HSPA14: variants seen among roughly 807,000 people sequenced by gnomAD.
The protein encoded by HSPA14 is heat shock protein family A (Hsp70) member 14.
Under a neutral mutation model 65.5 loss-of-function variants are expected in HSPA14, and 37 were observed. The ratio of observed to expected loss-of-function variants is 0.56; its 90% CI spans 0.43 to 0.74. The LOEUF is 0.74. Among genes scored for constraint, HSPA14 ranks in the 30% least tolerant of loss-of-function variants. The pLI, the probability that HSPA14 is intolerant of heterozygous loss-of-function variation, is 0.00. For synonymous variants in HSPA14, 203 were observed against 214.2 expected, an observed-to-expected ratio of 0.95 and a Z score of 0.46; for missense variants, 564 against 607.6, an observed-to-expected ratio of 0.93 and a Z score of 0.75.
intron 3 of HSPA14, chr10:14,843,995 AC>A: frequency 6.8e-7 from 1 of 1,472,150 alleles, no homozygotes; most frequent in Non-Finnish European, 8.9e-7. Flanking sequence ...TCAGAAAAAA[AC>A]ATGGATGAAC....
chr10:14,841,753 CAG>C (rs1833974076), intron 3 of HSPA14, among the ~76,000 whole-genome samples: 1 of 152,198 alleles, frequency 6.6e-6, no homozygotes, highest in Admixed American at 6.5e-5. Context: ...ATGGGTAACA[CAG>C]AGCCACAGCG....
intron 3 of HSPA14, chr10:14,844,803 T>C (rs1401535757): frequency 2.0e-6 from 2 of 985,342 alleles, no homozygotes; most frequent in African/African-American, 3.5e-5. Flanking sequence ...TCGGTTGCCA[T>C]TGGAACATTG....
At chr10:14,844,558 C>T (rs1013997887) in intron 3 of HSPA14, 1 of 985,588 alleles carries the variant, frequency 1.0e-6, no homozygotes, top group African/African-American at 1.7e-5. Context: ...GACATATCTA[C>T]TAGTAAGCAC....
chr10:14,851,800 C>G (rs1419734184), intron 7 of HSPA14, among the ~76,000 whole-genome samples: 3 of 152,146 alleles, frequency 2.0e-5, no homozygotes, highest in Non-Finnish European at 2.9e-5. Context: ...GATAGTCGTT[C>G]AACTTTAGAG....
rs189895574 is a variant in HSPA14 at position 14,870,201 on chromosome 10, G to A, written c.1381-396G>A. On this transcript the variant is annotated intron_variant, in intron 12 of 13. Transcript: ENST00000378372. ...TTTTCCAAATGTATTTAAAATGCTT[G>A]ATTTTTTTTTTTTAAGTATATATAG... Among the ~76,000 whole-genome samples the A allele has an allele frequency of 3.0e-3, 438 of 147,802 alleles. 1 individual carries two copies. Among genetic ancestry groups the A allele is most frequent in the Non-Finnish European group, 5.2e-3 (349 of 67,590 alleles).
chr10:14,846,487 A>G (rs572527534), intron 3 of HSPA14: 15 of 985,320 alleles, frequency 1.5e-5, no homozygotes, highest in African/African-American at 1.0e-4. Flanking sequence ...GGCTAAAAAT[A>G]TTAAGGGGAG....
chr10:14,849,803 T>C lies in HSPA14; in HGVS notation c.459T>C (p.Asn153=), dbSNP rs1432175348. 6.2e-7 allele frequency: 1 copy of C among 1,606,084 alleles called. No individual in the cohort carries two copies. Among genetic ancestry groups the C allele is most frequent in the South Asian group, 1.1e-5 (1 of 90,784 alleles). The change falls in exon 6 of 14, where the codon AAT becomes AAC. Residue 153 remains asparagine (N), a synonymous_variant. Coordinates refer to ENST00000378372, the MANE Select transcript of HSPA14 (RefSeq NM_016299.4). ...TTGATTTTGGAGAAAAGCAAAAAAATGCTCTTGGGTAAGTATATGGGGTTT... is the reference window on the plus strand; with the variant it reads ...TTGATTTTGGAGAAAAGCAAAAAAACGCTCTTGGGTAAGTATATGGGGTTT... ...VPFDFGEKQK[N]ALGEAARAAG... is the part of the protein sequence containing the mutation.
At chr10:14,868,477 C>G (rs1176974931) in intron 12 of HSPA14, among the ~76,000 whole-genome samples, 1 of 151,912 alleles carries the variant, frequency 6.6e-6, no homozygotes, top group African/African-American at 2.4e-5. Flanking sequence ...TACTTAGAAA[C>G]ATGTCTGAGA....
Position 14,838,429 on chromosome 10 carries a change from C to T in HSPA14, c.27C>T (p.Gly9=). ...TGGCGGCCATCGGAGTTCACCTGGG[C>T]TGCACCTCAGCCTGTGTGGCCGTCT... The part of the protein sequence containing the change: MAAIGVHL[G]CTSACVAVYK... Residue 9 remains glycine (G), a synonymous_variant, in exon 1 of 14, where the codon GGC becomes GGT. Transcript: ENST00000378372. 6.2e-7 allele frequency: 1 copy of T among 1,606,570 alleles called. No individual in the cohort carries two copies.
At position 14,841,809 on chromosome 10, in the gene HSPA14, C is replaced by T. The variant is rs78220059; in HGVS notation, c.221+1652C>T. On this transcript the variant is annotated intron_variant, in intron 3 of 13. Transcript: ENST00000378372. ...CTGAGCATCTTTCAGATTGCTATAC[C>T]GTGGTCATGCTTGGACTCCTTTAGC... Among the ~76,000 whole-genome samples, 36 of 152,334 alleles carry T rather than the reference C, an allele frequency of 2.4e-4. No individual in the cohort carries two copies. The East Asian group carries it at 5.0e-3, about 21-fold the overall frequency.
chr10:14,846,662 A>T, intron 3 of HSPA14: 1 of 924,940 alleles, frequency 1.1e-6, no homozygotes, highest in Middle Eastern at 5.5e-4. Context: ...TGTCCTACCT[A>T]CCTCACAGGG....
At chr10:14,867,047 A>G in intron 10 of HSPA14, 36 bp from the exon 11 acceptor site, 1 of 1,476,980 alleles carries the variant, frequency 6.8e-7, no homozygotes, top group Non-Finnish European at 9.5e-7. Flanking sequence ...GCATTCTTCT[A>G]AAAGTAAACA....
At chr10:14,838,888 C>T (rs990944714) in intron 1 of HSPA14, among the ~76,000 whole-genome samples, 1 of 152,096 alleles carries the variant, frequency 6.6e-6, no homozygotes, top group African/African-American at 2.4e-5. Context: ...GTCTCGCTGA[C>T]GTCAGGGCCT....
In HSPA14 at chr10:14,870,579, T is replaced by A. The variant is rs1035320538; in HGVS notation, c.1381-18T>A. 2.4e-5 allele frequency: 38 copies of A among 1,576,890 alleles called. No individual in the cohort carries two copies. The highest frequency in any genetic ancestry group is 3.2e-5 in the Non-Finnish European group (37 of 1,158,546). On this transcript the variant is annotated intron_variant, in intron 12 of 13. Coordinates refer to ENST00000378372, the MANE Select transcript of HSPA14 (RefSeq NM_016299.4). ...GTAAAGATGCTGAATTCTCTTCATA[T>A]TGTTCTTGTATAAACAGGTTGTACT...
Position 14,842,923 on chromosome 10 carries a change from G to A in HSPA14, c.221+2766G>A, listed in dbSNP as rs1301712874. ...ACATTTAGCTGTGTCTGTTTGGATAGTGTCCTCTTCAGCATAGTTCCTGTT... is the reference window on the plus strand; with the variant it reads ...ACATTTAGCTGTGTCTGTTTGGATAATGTCCTCTTCAGCATAGTTCCTGTT... On this transcript the variant is annotated intron_variant, in intron 3 of 13. Transcript: ENST00000378372. The surrounding 1 kb of genome is among the most constrained non-coding windows in gnomAD (Gnocchi z 5.2). The A allele has an allele frequency of 3.8e-6, 4 of 1,055,374 alleles. No homozygotes were observed. Among genetic ancestry groups the A allele is most frequent in the African/African-American group, 3.2e-5 (2 of 62,296 alleles). 65.4% of individuals were successfully genotyped at this position (1,055,374 alleles called of 1,614,324 possible).
At chr10:14,841,000 C>CT (rs879944625) in intron 3 of HSPA14, among the ~76,000 whole-genome samples, 1 of 152,176 alleles carries the variant, frequency 6.6e-6, no homozygotes, top group Non-Finnish European at 1.5e-5. Context: ...AGGTTCTTTT[C>CT]TTTCAACTTT....
At chr10:14,858,656 G>A (rs1832727123) in intron 10 of HSPA14, among the ~76,000 whole-genome samples, 1 of 152,162 alleles carries the variant, frequency 6.6e-6, no homozygotes, top group Non-Finnish European at 1.5e-5. Context: ...ATGACAGAGG[G>A]GCAGAGAGAT....
At position 14,871,604 on chromosome 10, in the gene HSPA14, T is replaced by C; in HGVS notation, c.1528T>C (p.Ter510GlnextTer9). The change falls in exon 14 of 14, where the codon TAG becomes CAG. Residue 510 changes from the stop codon to glutamine, a stop_lost. Transcript: ENST00000378372. The part of the protein sequence containing the change: ...CEAISIEIAS[*>Q] ...AGCAATCTCTATTGAGATAGCATCT[T>C]AGTGTTTTAGAGAAATCAAGAATTT... 1.3e-6 allele frequency: 2 copies of C among 1,534,090 alleles called. No homozygotes were observed. Among genetic ancestry groups the C allele is most frequent in the Non-Finnish European group, 1.8e-6 (2 of 1,117,948 alleles).
rs201930086 is a variant in HSPA14, at chr10:14,867,895, A to G, written c.1366A>G (p.Thr456Ala). The G allele has an allele frequency of 8.7e-6, 14 of 1,613,278 alleles. No individual in the cohort carries two copies. In the Admixed American group the frequency reaches 1.2e-4, roughly 13 times the overall value. ...SDGKNSAKEE[T>A]KFAQVVLQDL... is the part of the protein sequence containing the mutation. ...TGGGAAGAACTCTGCCAAAGAGGAA[A>G]CCAAGTTTGCACAGGTGAATACATA... Residue 456 changes from threonine (T) to alanine (A), a missense_variant, in exon 12 of 14, where the codon ACC becomes GCC. Thr to Ala is a moderately conservative substitution (Grantham distance 58, BLOSUM62 0). Transcript: ENST00000378372.
Sources: allele counts gnomAD v4.1 joint callset (sites outside exome capture counted in the v4.1 genomes callset), GRCh38; gene constraint gnomAD v4.1.1; non-coding constraint Gnocchi (gnomAD v3.1); transcripts MANE v1.5; gene names NCBI Gene and HGNC (gene_info 2026-07-23, HGNC 2026-07-21).